Variants in TMEM106B observed in about 807,000 individuals in gnomAD.
TMEM106B encodes transmembrane protein 106B.
TMEM106B carries 15 observed loss-of-function variants against 31.1 expected under a neutral mutation model. The observed-to-expected ratio is 0.48, with a 90% CI of 0.32 to 0.74. The LOEUF (loss-of-function observed/expected upper bound fraction) is 0.74, where lower values mean the gene tolerates loss of function less well. Ranked by LOEUF, TMEM106B falls within the 30% of genes least tolerant of loss-of-function variation. The pLI is 0.03. For missense variants in TMEM106B, 283 were observed against 327.3 expected, an observed-to-expected ratio of 0.86 and a Z score of 1.04; for synonymous variants, 126 against 112.5, an observed-to-expected ratio of 1.12 and a Z score of -0.76.
At chr7:12,231,289 G>C (rs2128527803) in intron 7 of TMEM106B, 174 bp downstream of exon 7, 1 of 523,720 alleles carries the variant, frequency 1.9e-6, no homozygotes, top group South Asian at 2.6e-5. Flanking sequence ...TGGTTGTTCA[G>C]AGAAGTAGTG....
rs1782094688 is a variant in TMEM106B at position 12,234,684 on chromosome 7, C to A, written c.*2709C>A. ...GTAAAGATATGTTACAGAAATTTTT[C>A]TGATACTTCCTGGAATAACTTTAAG... On this transcript the variant is annotated 3_prime_UTR_variant, in exon 8 of 8. Transcript: ENST00000396668. 6.6e-6 allele frequency: 1 copy of A among 151,896 alleles called. No homozygotes were observed. The highest frequency in any genetic ancestry group is 1.5e-5 in the Non-Finnish European group (1 of 67,824). 9.4% of individuals were successfully genotyped at this position (151,896 alleles called of 1,614,324 possible). A position where few individuals can be genotyped will look rare whatever the true frequency, so the allele number is the denominator to read the frequency against.
chr7:12,240,026 G>A lies in TMEM106B; in HGVS notation c.*8051G>A, dbSNP rs1309959981. The A allele has an allele frequency of 2.0e-5, 3 of 146,702 alleles. No individual in the cohort carries two copies. In the East Asian group the frequency reaches 6.2e-4, roughly 30 times the overall value. The allele number at this position is 146,702 out of a possible 1,614,324, so 9.1% of individuals were successfully genotyped here. On this transcript the variant is annotated 3_prime_UTR_variant, in exon 8 of 8. Transcript: ENST00000396668. ...CGCAATAAGGTGATGCACAATAAAA[G>A]GAAGTATATCTGCACTTCCTTCTTT...
rs188722795 is a variant in TMEM106B at position 12,213,918 on chromosome 7, G to A, written c.-2-891G>A. Among the ~76,000 whole-genome samples the A allele has an allele frequency of 6.6e-5, 10 of 152,240 alleles. No individual in the cohort carries two copies. The East Asian group carries it at 9.7e-4, about 15-fold the overall frequency. On this transcript the variant is annotated intron_variant, in intron 1 of 7. Transcript: ENST00000396668. ...TTCAGGCCATGATGAAAAGGTGGGTGGAGGGGATTGAACATGCCCCGTTGT... is the reference window on the plus strand; with the variant it reads ...TTCAGGCCATGATGAAAAGGTGGGTAGAGGGGATTGAACATGCCCCGTTGT...
rs1420783164 is a variant in TMEM106B at position 12,233,462 on chromosome 7, C to T, written c.*1487C>T. Reference sequence around the variant, plus strand: ...GACTCTCTCAACCATAAAACATAAGCTTTATTTAATTCTGCCTTTAAACAC... The same window carrying T: ...GACTCTCTCAACCATAAAACATAAGTTTTATTTAATTCTGCCTTTAAACAC... On this transcript the variant is annotated 3_prime_UTR_variant, in exon 8 of 8. Coordinates refer to ENST00000396668, the MANE Select transcript of TMEM106B (RefSeq NM_001134232.2). The T allele has an allele frequency of 1.3e-5, 2 of 151,450 alleles. No homozygotes were observed. The highest frequency in any genetic ancestry group is 4.8e-5 in the African/African-American group (2 of 41,334). 9.4% of individuals were successfully genotyped at this position (151,450 alleles called of 1,614,324 possible).
At chr7:12,222,239 C>G (rs1389857523) in intron 3 of TMEM106B, among the ~76,000 whole-genome samples, 1 of 152,074 alleles carries the variant, frequency 6.6e-6, no homozygotes, top group Non-Finnish European at 1.5e-5. Context: ...TTATAACTCC[C>G]AGGATTTGGT....
chr7:12,223,704 T>G (rs1462386860), intron 3 of TMEM106B, among the ~76,000 whole-genome samples: 1 of 150,538 alleles, frequency 6.6e-6, no homozygotes, highest in Non-Finnish European at 1.5e-5. Context: ...AAAATTTCAG[T>G]GTCCAAAAAT....
At position 12,231,160 on chromosome 7, in the gene TMEM106B, T is replaced by C. The variant is rs1273421658; in HGVS notation, c.686+45T>C. ...GAAAGAGATTTTGCTTGTTAACATT[T>C]TGGATTTATAACATTGGCTTATAAT... On this transcript the variant is annotated intron_variant, in intron 7 of 7. Transcript: ENST00000396668. 2.1e-6 allele frequency: 3 copies of C among 1,455,406 alleles called. No homozygotes were observed. The East Asian group carries it at 6.9e-5, about 33-fold the overall frequency. 90.2% of individuals were successfully genotyped at this position (1,455,406 alleles called of 1,614,324 possible).
At position 12,224,326 on chromosome 7, in the gene TMEM106B, G is replaced by T; in HGVS notation, c.382G>T (p.Val128Leu). Residue 128 changes from valine to leucine, a missense_variant, in exon 4 of 8, where the codon GTA becomes TTA. Val to Leu is a conservative substitution (Grantham distance 32). Coordinates refer to ENST00000396668, the MANE Select transcript of TMEM106B (RefSeq NM_001134232.2). ...PRSIDVKYIGVKSAYVSYDVQ... is the reference protein window; with the variant it reads ...PRSIDVKYIGLKSAYVSYDVQ... ...CTCTATCGACGTGAAATACATTGGT[G>T]TAAAATCAGCCTATGTCAGTTATGA... 1 of 1,613,854 alleles carries T rather than the reference G, an allele frequency of 6.2e-7. No homozygotes were observed. Among genetic ancestry groups the T allele is most frequent in the Non-Finnish European group, 8.5e-7 (1 of 1,179,832 alleles).
At chr7:12,222,540 T>C (rs2128525596) in intron 3 of TMEM106B, among the ~76,000 whole-genome samples, 1 of 152,346 alleles carries the variant, frequency 6.6e-6, no homozygotes, top group Middle Eastern at 3.4e-3. Flanking sequence ...CGCTGAAGTG[T>C]AGAAAATCCA....
rs369313424 is a variant in TMEM106B at position 12,234,381 on chromosome 7, A to G, written c.*2406A>G. ...CAGAAAAAAACAAGAATTTGAAACA[A>G]GTAAAAAGATAGAAGAGAAATAAAG... is the stretch of plus-strand genomic sequence containing the variant. On this transcript the variant is annotated 3_prime_UTR_variant, in exon 8 of 8. Transcript: ENST00000396668. 1.8e-4 allele frequency: 27 copies of G among 151,974 alleles called. No individual in the cohort carries two copies. The highest frequency in any genetic ancestry group is 6.5e-4 in the African/African-American group (27 of 41,554). 9.4% of individuals were successfully genotyped at this position (151,974 alleles called of 1,614,324 possible).
chr7:12,222,691 G>A (rs1475920595), intron 3 of TMEM106B, among the ~76,000 whole-genome samples: 2 of 152,176 alleles, frequency 1.3e-5, no homozygotes, highest in African/African-American at 2.4e-5. Context: ...CTCAGGTTGA[G>A]AGAGTCCAAA....
Position 12,232,749 on chromosome 7 carries a change from A to G in TMEM106B, c.*774A>G, listed in dbSNP as rs1164268081. Reference sequence around the variant, plus strand: ...TTTTATACAGCTTTAGTAAATGTCAAATAAAGTGGTACAGACTCATTACAA... The same window carrying G: ...TTTTATACAGCTTTAGTAAATGTCAGATAAAGTGGTACAGACTCATTACAA... On this transcript the variant is annotated 3_prime_UTR_variant, in exon 8 of 8. Coordinates refer to ENST00000396668, the MANE Select transcript of TMEM106B (RefSeq NM_001134232.2). The G allele has an allele frequency of 1.3e-5, 2 of 152,340 alleles. No individual in the cohort carries two copies. Among genetic ancestry groups the G allele is most frequent in the Non-Finnish European group, 1.5e-5 (1 of 67,794 alleles). 9.4% of individuals were successfully genotyped at this position (152,340 alleles called of 1,614,324 possible). A position where few individuals can be genotyped will look rare whatever the true frequency, so the allele number is the denominator to read the frequency against.
chr7:12,227,118 A>G (rs1274011604), intron 4 of TMEM106B, among the ~76,000 whole-genome samples: 1 of 152,142 alleles, frequency 6.6e-6, no homozygotes, highest in African/African-American at 2.4e-5. Context: ...GAATACTGCC[A>G]CTTAAACTGA....
chr7:12,222,703 T>G (rs1221287989), intron 3 of TMEM106B, among the ~76,000 whole-genome samples: 1 of 152,198 alleles, frequency 6.6e-6, no homozygotes, highest in Non-Finnish European at 1.5e-5. Context: ...GAGTCCAAAA[T>G]GAGTGAGTGG....
intron 4 of TMEM106B, among the ~76,000 whole-genome samples, chr7:12,229,308 A>T (rs2128527162): frequency 6.6e-6 from 1 of 152,248 alleles, no homozygotes. Context: ...AGCTGTTGTA[A>T]ATCTCTACTA....
chr7:12,237,654 C>A lies in TMEM106B; in HGVS notation c.*5679C>A, dbSNP rs538642994. 6.6e-6 allele frequency: 1 copy of A among 151,806 alleles called. No individual in the cohort carries two copies. The highest frequency in any genetic ancestry group is 1.5e-5 in the Non-Finnish European group (1 of 67,948). The allele number at this position is 151,806 out of a possible 1,614,324, so 9.4% of individuals were successfully genotyped here. A position where few individuals can be genotyped will look rare whatever the true frequency, so the allele number is the denominator to read the frequency against. ...TATTAAGTGTGCAATAGCATTATGTCGAAAAACACAATATATATGCCTTAA... is the reference window on the plus strand; with the variant it reads ...TATTAAGTGTGCAATAGCATTATGTAGAAAAACACAATATATATGCCTTAA... On this transcript the variant is annotated 3_prime_UTR_variant, in exon 8 of 8. Coordinates refer to ENST00000396668, the MANE Select transcript of TMEM106B (RefSeq NM_001134232.2).
rs1346549738 is a variant in TMEM106B, at chr7:12,243,302, T to C, written c.*11327T>C. 5 of 152,114 alleles carry C rather than the reference T, an allele frequency of 3.3e-5. No individual in the cohort carries two copies. Among genetic ancestry groups the C allele is most frequent in the Non-Finnish European group, 7.4e-5 (5 of 67,972 alleles). The allele number at this position is 152,114 out of a possible 1,614,324, so 9.4% of individuals were successfully genotyped here. ...CATTAATTCATTTAAATAGTATGTA[T>C]TTTGATACTAATTTTTAAGAAGAAA... is the stretch of plus-strand genomic sequence containing the variant. On this transcript the variant is annotated 3_prime_UTR_variant, in exon 8 of 8. Transcript: ENST00000396668.
Position 12,238,669 on chromosome 7 carries a change from G to C in TMEM106B, c.*6694G>C, listed in dbSNP as rs1782186828. 1 of 152,116 alleles carries C rather than the reference G, an allele frequency of 6.6e-6. No individual in the cohort carries two copies. Among genetic ancestry groups the C allele is most frequent in the Non-Finnish European group, 1.5e-5 (1 of 68,020 alleles). The allele number at this position is 152,116 out of a possible 1,614,324, so 9.4% of individuals were successfully genotyped here. ...CTGCAGAATGCACGTTGTGTTAAGA[G>C]GCATGAAAACAACATTAATCTATTT... On this transcript the variant is annotated 3_prime_UTR_variant, in exon 8 of 8. Coordinates refer to ENST00000396668, the MANE Select transcript of TMEM106B (RefSeq NM_001134232.2).
chr7:12,211,563 G>C (rs1236697166), intron 1 of TMEM106B, 138 bp downstream of exon 1: 1 of 152,516 alleles, frequency 6.6e-6, no homozygotes, highest in African/African-American at 2.4e-5. Flanking sequence ...GCGGCGGTCA[G>C]GGCTGGTGAT....
Sources: allele counts gnomAD v4.1 joint callset (sites outside exome capture counted in the v4.1 genomes callset), GRCh38; gene constraint gnomAD v4.1.1; transcripts MANE v1.5; gene names NCBI Gene and HGNC (gene_info 2026-07-23, HGNC 2026-07-21).